The following ZNF624 variants were observed in gnomAD, a reference collection of about 807,000 sequenced individuals.
ZNF624 encodes the protein zinc finger protein 624.
In ZNF624, 43 loss-of-function variants were observed where a neutral mutation model predicts 74.7. The observed-to-expected ratio is 0.58, with a 90% CI of 0.45 to 0.74. The LOEUF (loss-of-function observed/expected upper bound fraction) is 0.74, where lower values mean the gene tolerates loss of function less well. Ranked by LOEUF, ZNF624 falls within the 30% of genes least tolerant of loss-of-function variation. The pLI is 0.00. For synonymous variants in ZNF624, 331 were observed against 341.3 expected (o/e 0.97, Z 0.33); for missense variants, 820 against 1,030.0 (o/e 0.80, Z 2.79).
intron 2 of ZNF624, 75 bp from the exon 3 acceptor site, chr17:16,647,469 C>A: frequency 8.1e-7 from 1 of 1,234,348 alleles, no homozygotes; most frequent in Non-Finnish European, 1.2e-6. Flanking sequence ...CAAGCACCAC[C>A]AATCCACTGT....
Position 16,623,557 on chromosome 17 carries a change from T to C in ZNF624, c.1329A>G (p.Pro443=). Residue 443 remains proline (P), a synonymous_variant, in exon 6 of 6, where the codon CCA becomes CCG. Coordinates refer to ENST00000311331, the MANE Select transcript of ZNF624 (RefSeq NM_020787.4). This position sits in a 1 kb window ranked among gnomAD's most constrained non-coding sequence, Gnocchi z 5.3. ...VHQKTHTEEK[P]YQCNECGKSF... ...ACTTCCCACACTCGTTGCACTGATA[T>C]GGTTTCTCTTCAGTGTGGGTCTTCT... 7.5e-6 allele frequency: 12 copies of C among 1,610,312 alleles called. No homozygotes were observed. The highest frequency in any genetic ancestry group is 1.0e-5 in the Non-Finnish European group (12 of 1,178,836).
At chr17:16,646,543 T>C (rs1317352301) in intron 3 of ZNF624, among the ~76,000 whole-genome samples, 7 of 152,022 alleles carry the variant, frequency 4.6e-5, no homozygotes, top group Admixed American at 3.9e-4. Flanking sequence ...ACAAGACAGG[T>C]TTAAAGGAGA....
chr17:16,617,906 G>A, downstream of ZNF624: 2 of 1,478,928 alleles, frequency 1.4e-6, no homozygotes, highest in East Asian at 2.4e-5. Flanking sequence ...GGGGCCCAAG[G>A]GCTGGTTGTG....
chr17:16,647,262 T>G (rs969524273), intron 3 of ZNF624, 67 bp downstream of exon 3: 73 of 1,323,688 alleles, frequency 5.5e-5, no homozygotes, highest in Non-Finnish European at 7.9e-5. Context: ...CTGGGAACAT[T>G]GAGAATCAGA....
At chr17:16,645,666 T>C (rs1597498665) in intron 3 of ZNF624, among the ~76,000 whole-genome samples, 1 of 144,646 alleles carries the variant, frequency 6.9e-6, no homozygotes, top group Admixed American at 6.9e-5. Flanking sequence ...TAATTGAAAA[T>C]GTCAGCCGGG....
chr17:16,617,980 C>T (rs2142556886), downstream of ZNF624: 8 of 694,486 alleles, frequency 1.2e-5, no homozygotes, highest in South Asian at 1.2e-4. Context: ...CCCGAACACG[C>T]GCCTCACACC....
chr17:16,619,113 A>T (rs1442786891), downstream of ZNF624, among the ~76,000 whole-genome samples: 2 of 152,230 alleles, frequency 1.3e-5, no homozygotes, highest in Non-Finnish European at 2.9e-5. Flanking sequence ...TAAATGTTCA[A>T]CTGCAAAACA....
downstream of ZNF624, chr17:16,617,689 C>T (rs1163194997): frequency 2.5e-6 from 4 of 1,604,886 alleles, no homozygotes; most frequent in African/African-American, 2.7e-5. Context: ...TCTACGATCA[C>T]GCGCTCGCCG....
intron 3 of ZNF624, among the ~76,000 whole-genome samples, chr17:16,645,808 C>T (rs1486269325): frequency 1.3e-5 from 2 of 151,250 alleles, no homozygotes; most frequent in Non-Finnish European, 2.9e-5. Context: ...AAAAATTAGC[C>T]GCCCGTGGTA....
At chr17:16,648,064 T>C (rs1028221870) in intron 2 of ZNF624, among the ~76,000 whole-genome samples, 2 of 151,902 alleles carry the variant, frequency 1.3e-5, no homozygotes, top group Non-Finnish European at 2.9e-5. Flanking sequence ...GCCTCCTGAG[T>C]AGCTGGGACT....
chr17:16,645,241 A>T (rs1205215141), intron 3 of ZNF624, among the ~76,000 whole-genome samples: 1 of 152,062 alleles, frequency 6.6e-6, no homozygotes, highest in African/African-American at 2.4e-5. Context: ...GGAGTTGAAG[A>T]CCAGTCTGGC....
chr17:16,615,600 A>G, the ZNF624 span, among the ~76,000 whole-genome samples: 4 of 152,194 alleles, frequency 2.6e-5, no homozygotes, highest in African/African-American at 9.7e-5. Context: ...GTGGCAAAAA[A>G]TGTCTGATGA....
At position 16,622,242 on chromosome 17, in the gene ZNF624, G is replaced by T; in HGVS notation, c.*46C>A. 1 of 1,391,666 alleles carries T rather than the reference G, an allele frequency of 7.2e-7. No individual in the cohort carries two copies. Among genetic ancestry groups the T allele is most frequent in the Non-Finnish European group, 9.6e-7 (1 of 1,037,644 alleles). 86.2% of individuals were successfully genotyped at this position (1,391,666 alleles called of 1,614,324 possible). A position where few individuals can be genotyped will look rare whatever the true frequency, so the allele number is the denominator to read the frequency against. On this transcript the variant is annotated 3_prime_UTR_variant, in exon 6 of 6. Coordinates refer to ENST00000311331, the MANE Select transcript of ZNF624 (RefSeq NM_020787.4). ...TATATTCATAAAATATAGTTTATAA[G>T]ATTCATCTTGTGGAGTTGACATCTA...
chr17:16,622,958 T>A lies in ZNF624; in HGVS notation c.1928A>T (p.Tyr643Phe), dbSNP rs1165948706. The A allele has an allele frequency of 6.2e-7, 1 of 1,614,078 alleles. No individual in the cohort carries two copies. Among genetic ancestry groups the A allele is most frequent in the Non-Finnish European group, 8.5e-7 (1 of 1,179,960 alleles). ...IHTGVKPYKCYDCGKSFRTKS... is the reference protein window; with the variant it reads ...IHTGVKPYKCFDCGKSFRTKS... ...AGTCCTAAAGGACTTTCCACAGTCA[T>A]AACATTTATAGGGTTTCACTCCAGT... Residue 643 changes from tyrosine to phenylalanine, a missense_variant, in exon 6 of 6, where the codon TAT (tyrosine) becomes TTT (phenylalanine). Tyr to Phe is a conservative substitution (Grantham distance 22). Transcript: ENST00000311331.
chr17:16,624,387 C>T lies in ZNF624; in HGVS notation c.499G>A (p.Gly167Arg). The change falls in exon 6 of 6, where the codon GGG becomes AGG. Residue 167 changes from glycine (G) to arginine (R), a missense_variant. Transcript: ENST00000311331. ...ENGLWDSRME[G>R]LWKWNDRILR... ...ATCCTATCATTCCATTTCCATAACC[C>T]TTCCATTCTGGAATCCCACAGACCA... is the stretch of plus-strand genomic sequence containing the variant. The T allele has an allele frequency of 6.2e-7, 1 of 1,613,942 alleles. No homozygotes were observed.
chr17:16,617,552 T>A, downstream of ZNF624: 1 of 1,570,852 alleles, frequency 6.4e-7, no homozygotes, highest in Admixed American at 1.7e-5. Flanking sequence ...ACAATAAGCC[T>A]GTATTCTGTA....
intron 1 of ZNF624, among the ~76,000 whole-genome samples, chr17:16,652,344 C>T (rs1039079847): frequency 6.6e-5 from 10 of 152,082 alleles, no homozygotes; most frequent in Non-Finnish European, 1.2e-4. Flanking sequence ...CCGCAACCCC[C>T]GAACACTAAA....
chr17:16,631,956 A>T (rs1909218026), intron 5 of ZNF624, among the ~76,000 whole-genome samples: 1 of 152,246 alleles, frequency 6.6e-6, no homozygotes, highest in Non-Finnish European at 1.5e-5. Flanking sequence ...AGGAAATATG[A>T]ACAGTCCTAA....
At chr17:16,636,653 G>A (rs1359796651) in intron 3 of ZNF624, among the ~76,000 whole-genome samples, 1 of 152,224 alleles carries the variant, frequency 6.6e-6, no homozygotes, top group Non-Finnish European at 1.5e-5. Flanking sequence ...TGGCTAACAC[G>A]GTGAAACCCC....
Sources: gnomAD v4.1 joint callset for allele counts (sites outside exome capture counted in the v4.1 genomes callset) on GRCh38, gnomAD v4.1.1 for gene constraint, Gnocchi (gnomAD v3.1) non-coding constraint, MANE v1.5 for transcripts, NCBI Gene and HGNC (gene_info 2026-07-23, HGNC 2026-07-21) for gene names.